Variants in FAM117A observed in about 807,000 individuals in gnomAD.
FAM117A encodes family with sequence similarity 117 member A, also known as protein FAM117A.
A neutral mutation model predicts 44.1 loss-of-function variants in FAM117A; 21 were observed. The observed-to-expected ratio is 0.48, with a 90% CI of 0.34 to 0.69. The LOEUF (loss-of-function observed/expected upper bound fraction) is 0.69, where lower values mean the gene tolerates loss of function less well. FAM117A is among the 30% of genes least tolerant of loss of function. The probability of loss-of-function intolerance (pLI) is 0.01; values close to 1 mark genes in which losing one functional copy is unlikely to be tolerated. For missense variants in FAM117A, 498 were observed against 589.9 expected (o/e 0.84, Z 1.61); for synonymous variants, 220 against 238.3 (o/e 0.92, Z 0.71).
chr17:49,779,984 A>G (rs993777203), intron 1 of FAM117A, among the ~76,000 whole-genome samples: 6 of 152,208 alleles, frequency 3.9e-5, no homozygotes, highest in African/African-American at 1.4e-4. Flanking sequence ...CTGAGATTGG[A>G]TTGGGCTCAG....
upstream of FAM117A, among the ~76,000 whole-genome samples, chr17:49,768,922 C>A (rs1409278042): frequency 2.6e-5 from 4 of 152,218 alleles, no homozygotes; most frequent in East Asian, 7.7e-4. Flanking sequence ...TTCATTCAGA[C>A]TGGCTGACAT....
chr17:49,766,838 G>A (rs1380030903), upstream of FAM117A, among the ~76,000 whole-genome samples: 14 of 152,180 alleles, frequency 9.2e-5, no homozygotes, highest in Admixed American at 9.2e-4. Context: ...ACACATTATC[G>A]TACAGATGCT....
At chr17:49,747,570 C>A (rs569125095) in intron 1 of FAM117A, among the ~76,000 whole-genome samples, 1 of 152,178 alleles carries the variant, frequency 6.6e-6, no homozygotes, top group Non-Finnish European at 1.5e-5. Flanking sequence ...TTCTTCTCTA[C>A]CCCCCGCATC....
At chr17:49,769,514 T>A (rs898455920) in intron 1 of FAM117A, among the ~76,000 whole-genome samples, 2 of 151,314 alleles carry the variant, frequency 1.3e-5, no homozygotes, top group Non-Finnish European at 2.9e-5. Context: ...TTGGCTAACA[T>A]GGTGAAACCC....
At chr17:49,711,996 A>G (rs149892270) in intron 7 of FAM117A, among the ~76,000 whole-genome samples, 8,097 of 152,280 alleles carry the variant, frequency 0.053, 333 homozygotes, top group Middle Eastern at 0.085. Flanking sequence ...AATACAAAAA[A>G]TTAGCCGGGT....
intron 1 of FAM117A, among the ~76,000 whole-genome samples, chr17:49,786,104 A>G (rs758664740): frequency 3.4e-4 from 52 of 152,216 alleles, no homozygotes; most frequent in Non-Finnish European, 6.3e-4. Flanking sequence ...TGGCTGGTCT[A>G]CTTTCAAGTA....
chr17:49,760,276 AT>A (rs1324622308), intron 1 of FAM117A, among the ~76,000 whole-genome samples: 4 of 152,174 alleles, frequency 2.6e-5, no homozygotes, highest in African/African-American at 9.7e-5. Flanking sequence ...TGAGGTTTAT[AT>A]TACACACATT....
intron 1 of FAM117A, among the ~76,000 whole-genome samples, chr17:49,784,102 T>C (rs1036839970): frequency 6.6e-6 from 1 of 152,206 alleles, no homozygotes; most frequent in Admixed American, 6.5e-5. Flanking sequence ...AAGCAAACAA[T>C]GAACAACTAC....
At chr17:49,744,420 C>T (rs2073646551) in intron 1 of FAM117A, among the ~76,000 whole-genome samples, 3 of 151,102 alleles carry the variant, frequency 2.0e-5, no homozygotes, top group South Asian at 4.2e-4. Context: ...GCTGGGATTA[C>T]AGGCATGACC....
chr17:49,751,376 C>A (rs745793060), intron 1 of FAM117A, among the ~76,000 whole-genome samples: 1 of 151,020 alleles, frequency 6.6e-6, no homozygotes, highest in Non-Finnish European at 1.5e-5. Flanking sequence ...GTCAAGAGAT[C>A]GAGACCATCC....
intron 1 of FAM117A, among the ~76,000 whole-genome samples, chr17:49,733,885 G>A (rs1219904077): frequency 2.0e-5 from 3 of 152,090 alleles, no homozygotes; most frequent in African/African-American, 7.2e-5. Context: ...GCTCAAGCCT[G>A]TAACCCCAGC....
At chr17:49,764,160 A>G, upstream of FAM117A, 1 of 775,908 alleles carries the variant, frequency 1.3e-6, no homozygotes, top group Non-Finnish European at 1.8e-6. Flanking sequence ...GCCGCTGCTT[A>G]TCTGCTGTAC....
chr17:49,763,219 C>G (rs1014077052), intron 1 of FAM117A, among the ~76,000 whole-genome samples: 1 of 151,818 alleles, frequency 6.6e-6, no homozygotes, highest in African/African-American at 2.4e-5. Flanking sequence ...GGTCAAGAAT[C>G]TGGGAACGTA....
intron 1 of FAM117A, among the ~76,000 whole-genome samples, chr17:49,750,838 T>C (rs1009456342): frequency 2.0e-5 from 3 of 152,172 alleles, no homozygotes; most frequent in Admixed American, 2.0e-4. Flanking sequence ...ATAAGATTAT[T>C]AGTTACTACT....
chr17:49,745,770 C>G (rs1243883173), intron 1 of FAM117A, among the ~76,000 whole-genome samples: 3 of 152,110 alleles, frequency 2.0e-5, no homozygotes, highest in African/African-American at 7.2e-5. Flanking sequence ...TCTCAAAAAA[C>G]AAATACAGCA....
At chr17:49,769,863 C>T (rs8080075) in intron 1 of FAM117A, among the ~76,000 whole-genome samples, 28,945 of 152,018 alleles carry the variant, frequency 0.19, 3,081 homozygotes, top group East Asian at 0.48. Flanking sequence ...GACCTAGAAA[C>T]AGATGCCCAG....
intron 2 of FAM117A, among the ~76,000 whole-genome samples, chr17:49,731,904 G>A (rs1010621233): frequency 1.3e-5 from 2 of 152,018 alleles, no homozygotes; most frequent in Non-Finnish European, 2.9e-5. Flanking sequence ...TCCCGCCTCA[G>A]CCTCCCAAGT....
intron 6 of FAM117A, among the ~76,000 whole-genome samples, chr17:49,716,797 CCACA>C (rs2073505909): frequency 6.6e-6 from 1 of 152,316 alleles, no homozygotes; most frequent in Middle Eastern, 3.4e-3. Context: ...CTCTCCCTTT[CCACA>C]CAGTGAATGT....
intron 1 of FAM117A, among the ~76,000 whole-genome samples, chr17:49,743,684 G>A (rs1370030620): frequency 4.6e-5 from 7 of 152,068 alleles, no homozygotes; most frequent in Admixed American, 1.3e-4. Context: ...AGCCGAGATC[G>A]TGCCACTGCA....
Sources: allele counts gnomAD v4.1 joint callset (sites outside exome capture counted in the v4.1 genomes callset), GRCh38; gene constraint gnomAD v4.1.1; transcripts MANE v1.5; gene names NCBI Gene and HGNC (gene_info 2026-07-23, HGNC 2026-07-21).